Variants in OGDH observed in about 807,000 individuals in gnomAD.
OGDH encodes 2-oxoglutarate dehydrogenase complex component E1.
A neutral mutation model predicts 116.6 loss-of-function variants in OGDH; 38 were observed. The observed-to-expected ratio is 0.33, with a 90% confidence interval of 0.25 to 0.43. The LOEUF (loss-of-function observed/expected upper bound fraction) is 0.43. Among genes scored for constraint, OGDH ranks in the 20% least tolerant of loss-of-function variants. OGDH has a pLI of 1.00. For synonymous variants in OGDH, 488 were observed against 533.3 expected (o/e 0.92, Z 1.17); for missense variants, 825 against 1,357.2 (o/e 0.61, Z 6.16).
chr7:44,706,408 G>A (rs1000136731), intron 20 of OGDH, among the ~76,000 whole-genome samples: 2 of 149,704 alleles, frequency 1.3e-5, no homozygotes, highest in South Asian at 2.1e-4. Context: ...CACAACCTCC[G>A]CCTCCCGGGT....
intron 5 of OGDH, among the ~76,000 whole-genome samples, chr7:44,671,650 C>G (rs1297225595): frequency 1.3e-5 from 2 of 151,246 alleles, no homozygotes; most frequent in Non-Finnish European, 2.9e-5. Flanking sequence ...CACCTATAGT[C>G]CCAGCTACTC....
intron 9 of OGDH, chr7:44,676,731 G>A (rs1342930981): frequency 8.6e-6 from 2 of 232,070 alleles, no homozygotes; most frequent in Admixed American, 6.5e-5. Flanking sequence ...GAACTATGTG[G>A]GAAGTTTGCT....
At chr7:44,637,154 T>C (rs75802589) in intron 2 of OGDH, among the ~76,000 whole-genome samples, 5,175 of 152,278 alleles carry the variant, frequency 0.034, 314 homozygotes, top group African/African-American at 0.12. Flanking sequence ...TGTGGCAGTA[T>C]CATGAGTCTC....
intron 9 of OGDH, 22 bp downstream of exon 9, chr7:44,676,171 G>A (rs1302690111): frequency 6.2e-7 from 1 of 1,614,170 alleles, no homozygotes; most frequent in Admixed American, 1.7e-5. Context: ...AGAGAGGCGT[G>A]CAAGGCAGAT....
intron 12 of OGDH, 55 bp from the exon 13 acceptor site, chr7:44,695,970 G>A (rs765874620): frequency 2.3e-5 from 21 of 929,188 alleles, no homozygotes; most frequent in Non-Finnish European, 3.4e-5. Context: ...ACAGGTGGGC[G>A]TGTGCAGTAG....
intron 5 of OGDH, among the ~76,000 whole-genome samples, chr7:44,673,133 A>T (rs900984041): frequency 6.6e-6 from 1 of 151,998 alleles, no homozygotes; most frequent in South Asian, 2.1e-4. Flanking sequence ...TTGCTTCCTG[A>T]GGCAGAAGGA....
chr7:44,709,013 C>A lies in OGDH; in HGVS notation c.*1014C>A, dbSNP rs1789210464. On this transcript the variant is annotated 3_prime_UTR_variant, in exon 23 of 23. Transcript: ENST00000222673. ...TTTGGTTAAAAAAAAAAAAAAGGAACAGAAACAACTTTGCATTGCATTGGC... is the reference window on the plus strand; with the variant it reads ...TTTGGTTAAAAAAAAAAAAAAGGAAAAGAAACAACTTTGCATTGCATTGGC... 1 of 150,946 alleles carries A rather than the reference C, an allele frequency of 6.6e-6. No individual in the cohort carries two copies. The highest frequency in any genetic ancestry group is 2.4e-5 in the African/African-American group (1 of 40,958). The allele number at this position is 150,946 out of a possible 1,614,324, so 9.4% of individuals were successfully genotyped here. A position where few individuals can be genotyped will look rare whatever the true frequency, so the allele number is the denominator to read the frequency against.
At chr7:44,681,967 C>A in intron 10 of OGDH, 119 bp downstream of exon 10, 5 of 1,354,670 alleles carry the variant, frequency 3.7e-6, no homozygotes, top group Non-Finnish European at 5.1e-6. Flanking sequence ...TTATTAAAAA[C>A]CAGGTGCAGT....
intron 4 of OGDH, among the ~76,000 whole-genome samples, chr7:44,651,702 C>T (rs372984609): frequency 6.6e-6 from 1 of 151,982 alleles, no homozygotes; most frequent in East Asian, 1.9e-4. Context: ...GCTGGGATTA[C>T]AGGCACCCAT....
At chr7:44,641,068 A>ATT (rs779053737) in intron 2 of OGDH, among the ~76,000 whole-genome samples, 1 of 131,836 alleles carries the variant, frequency 7.6e-6, no homozygotes, top group African/African-American at 2.8e-5. Flanking sequence ...TAATTTTTGT[A>ATT]TTTTTTTTTT....
At chr7:44,664,186 G>C (rs73109431) in intron 4 of OGDH, among the ~76,000 whole-genome samples, 2,141 of 152,266 alleles carry the variant, frequency 0.014, 30 homozygotes, top group Non-Finnish European at 0.019. Context: ...TCCCCACTGT[G>C]GTGGGGGAAG....
rs1786130344 is a variant in OGDH at position 44,645,443 on chromosome 7, G to A, written c.339G>A (p.Leu113=). The stretch of plus-strand genomic sequence containing the variant: ...CTGCTGTGGCCCATGCACAGTCCCT[G>A]GTAGAAGCACAGCCCAACGTGGACA... ...SLAAVAHAQS[L]VEAQPNVDKL... The change falls in exon 3 of 23, where the codon CTG becomes CTA. Residue 113 remains leucine (L), a synonymous_variant. Coordinates refer to ENST00000222673, the MANE Select transcript of OGDH (RefSeq NM_002541.4). 6.2e-7 allele frequency: 1 copy of A among 1,614,184 alleles called. No individual in the cohort carries two copies. The highest frequency in any genetic ancestry group is 2.2e-5 in the East Asian group (1 of 44,880).
chr7:44,694,015 C>T lies in OGDH; in HGVS notation c.1515+11C>T. The T allele has an allele frequency of 6.2e-7, 1 of 1,607,254 alleles. No individual in the cohort carries two copies. Among genetic ancestry groups the T allele is most frequent in the Non-Finnish European group, 8.5e-7 (1 of 1,174,848 alleles). ...GTGGTTGTCGATTTGGTGAGTGACT[C>T]TGGGGACAGCACGTCCTGGGCAGAG... is the stretch of plus-strand genomic sequence containing the variant. On this transcript the variant is annotated intron_variant, in intron 11 of 22. Transcript: ENST00000222673. This position sits in a 1 kb window ranked among gnomAD's most constrained non-coding sequence, Gnocchi z 4.2.
chr7:44,653,871 T>C (rs1198433871), intron 4 of OGDH, among the ~76,000 whole-genome samples: 1 of 152,022 alleles, frequency 6.6e-6, no homozygotes, highest in Non-Finnish European at 1.5e-5. Context: ...TTATTTTTTT[T>C]TGAGACGGAG....
At chr7:44,616,519 G>A (rs1361317674) in intron 1 of OGDH, among the ~76,000 whole-genome samples, 4 of 151,888 alleles carry the variant, frequency 2.6e-5, no homozygotes. Context: ...CCAGTTGACC[G>A]CCACTCCAAA....
rs56718274 is a variant in OGDH, at chr7:44,680,539, T to TACACACAC, written c.1207-1153_1207-1146dup. On this transcript the variant is annotated intron_variant, in intron 9 of 22. Coordinates refer to ENST00000222673, the MANE Select transcript of OGDH (RefSeq NM_002541.4). ...AATACAAACTCATAGTTTTATTGCA[T>TACACACAC]ACACACACACACACACACACACACA... Among the ~76,000 whole-genome samples the TACACACAC allele has an allele frequency of 4.5e-3, 664 of 145,942 alleles. 1 individual carries two copies. The highest frequency in any genetic ancestry group is 5.6e-3 in the African/African-American group (225 of 40,356).
chr7:44,695,052 G>A (rs557392231), intron 12 of OGDH, among the ~76,000 whole-genome samples: 1 of 152,236 alleles, frequency 6.6e-6, no homozygotes, highest in African/African-American at 2.4e-5. Context: ...CTGATAGCCT[G>A]TAGCCTATGC....
chr7:44,638,489 TG>T (rs1293246932), intron 2 of OGDH, among the ~76,000 whole-genome samples: 2 of 152,244 alleles, frequency 1.3e-5, no homozygotes, highest in African/African-American at 4.8e-5. Context: ...TCCCCATTAC[TG>T]TGCTTTCTCC....
At chr7:44,624,684 C>T in intron 2 of OGDH, 119 bp downstream of exon 2, 1 of 821,510 alleles carries the variant, frequency 1.2e-6, no homozygotes, top group East Asian at 2.5e-5. Context: ...GCTGGAGCGC[C>T]ATACCAACCA....
Sources: allele counts gnomAD v4.1 joint callset (sites outside exome capture counted in the v4.1 genomes callset), GRCh38; gene constraint gnomAD v4.1.1; non-coding constraint Gnocchi (gnomAD v3.1); transcripts MANE v1.5; gene names NCBI Gene and HGNC (gene_info 2026-07-23, HGNC 2026-07-21).